KCNMA1: variants seen among roughly 807,000 people sequenced by gnomAD.
KCNMA1 encodes the protein potassium calcium-activated channel subfamily M alpha 1.
KCNMA1 carries 29 observed loss-of-function variants against 140.0 expected under a neutral mutation model. The ratio of observed to expected loss-of-function variants is 0.21; its 90% CI spans 0.15 to 0.28. KCNMA1 has a LOEUF of 0.28. KCNMA1 is among the 10% of genes least tolerant of loss of function. The pLI is 1.00. For synonymous variants in KCNMA1, 612 were observed against 611.9 expected (o/e 1.00, Z 0.00); for missense variants, 880 against 1,602.2 (o/e 0.55, Z 7.70).
At chr10:77,036,162 A>C (rs1165407938) in intron 15 of KCNMA1, among the ~76,000 whole-genome samples, 2 of 152,154 alleles carry the variant, frequency 1.3e-5, no homozygotes, top group African/African-American at 4.8e-5. Flanking sequence ...ATCACACTCC[A>C]AGTTCCTCAG....
downstream of KCNMA1, among the ~76,000 whole-genome samples, chr10:76,883,721 GTTTT>G (rs113872996): frequency 0.034 from 3,873 of 113,208 alleles, 158 homozygotes; most frequent in African/African-American, 0.12. Context: ...TTACTTCCTT[GTTTT>G]TTTTTTTTTT....
At chr10:76,960,478 G>T (rs942109263) in intron 20 of KCNMA1, among the ~76,000 whole-genome samples, 1 of 151,642 alleles carries the variant, frequency 6.6e-6, no homozygotes, top group African/African-American at 2.4e-5. Context: ...GGTTGAGGCT[G>T]CCAGTGAGCC....
At chr10:76,938,695 TC>T (rs1183573875) in intron 23 of KCNMA1, among the ~76,000 whole-genome samples, 1 of 152,108 alleles carries the variant, frequency 6.6e-6, no homozygotes, top group African/African-American at 2.4e-5. Context: ...GAAAAGAAAT[TC>T]CTCAATGCCC....
chr10:77,256,888 G>A (rs1162339628), intron 2 of KCNMA1, among the ~76,000 whole-genome samples: 1 of 152,088 alleles, frequency 6.6e-6, no homozygotes, highest in Non-Finnish European at 1.5e-5. Context: ...AAGATTGCTT[G>A]AGCTCAGGAG....
At chr10:77,274,803 G>T (rs935789543) in intron 2 of KCNMA1, among the ~76,000 whole-genome samples, 5 of 152,206 alleles carry the variant, frequency 3.3e-5, no homozygotes, top group African/African-American at 1.2e-4. Context: ...AGTAAGTTTG[G>T]TCGGTTAGCC....
At chr10:77,491,543 G>A (rs2039855270) in intron 1 of KCNMA1, among the ~76,000 whole-genome samples, 1 of 152,146 alleles carries the variant, frequency 6.6e-6, no homozygotes, top group South Asian at 2.1e-4. Flanking sequence ...GGACAACAGG[G>A]CAATGTAGGG....
chr10:77,316,574 G>A (rs1412053806), intron 2 of KCNMA1, among the ~76,000 whole-genome samples: 6 of 152,086 alleles, frequency 3.9e-5, no homozygotes, highest in Non-Finnish European at 8.8e-5. Context: ...TCCAGGTAAC[G>A]CTGCTCCTCC....
intron 14 of KCNMA1, among the ~76,000 whole-genome samples, chr10:77,050,008 A>G (rs760090087): frequency 3.3e-5 from 5 of 152,132 alleles, no homozygotes; most frequent in Non-Finnish European, 7.3e-5. Flanking sequence ...ATTGCCACCA[A>G]TCTAACTGGA....
chr10:77,086,637 G>C (rs201619635), intron 10 of KCNMA1, 44 bp from the exon 11 acceptor site: 19 of 1,425,272 alleles, frequency 1.3e-5, no homozygotes, highest in Non-Finnish European at 1.9e-5. Flanking sequence ...AATGGACTCG[G>C]GGGTTTCAGC....
chr10:77,305,975 G>A (rs1425917794), intron 2 of KCNMA1, among the ~76,000 whole-genome samples: 1 of 152,188 alleles, frequency 6.6e-6, no homozygotes, highest in Non-Finnish European at 1.5e-5. Context: ...AGTTTCTTCT[G>A]CTACGTGCCT....
intron 9 of KCNMA1, among the ~76,000 whole-genome samples, chr10:77,104,263 G>A (rs943679914): frequency 1.2e-4 from 18 of 152,208 alleles, no homozygotes; most frequent in Non-Finnish European, 4.4e-5. Flanking sequence ...TTCAGGAAGT[G>A]TGTGGCACTC....
chr10:77,360,196 G>A (rs934082640), intron 2 of KCNMA1, among the ~76,000 whole-genome samples: 1 of 152,198 alleles, frequency 6.6e-6, no homozygotes, highest in Non-Finnish European at 1.5e-5. Flanking sequence ...AATATATAAA[G>A]CAATAGGTAC....
intron 2 of KCNMA1, among the ~76,000 whole-genome samples, chr10:77,336,728 C>T (rs943122798): frequency 8.5e-5 from 13 of 152,182 alleles, no homozygotes; most frequent in African/African-American, 2.9e-4. Flanking sequence ...AGATTGAATT[C>T]GGCAGGTCCA....
chr10:77,398,861 A>G (rs1460011246), intron 2 of KCNMA1, among the ~76,000 whole-genome samples: 1 of 152,160 alleles, frequency 6.6e-6, no homozygotes, highest in Non-Finnish European at 1.5e-5. Flanking sequence ...TAAAACCTAC[A>G]CCATACGTTT....
At chr10:77,247,689 A>C (rs1002516925) in intron 3 of KCNMA1, among the ~76,000 whole-genome samples, 1 of 152,082 alleles carries the variant, frequency 6.6e-6, no homozygotes, top group African/African-American at 2.4e-5. Flanking sequence ...TCGTGTGGCT[A>C]ATTGGAGATC....
chr10:76,880,361 C>A (rs1006016926), downstream of KCNMA1, among the ~76,000 whole-genome samples: 1 of 152,070 alleles, frequency 6.6e-6, no homozygotes, highest in East Asian at 1.9e-4. Context: ...CATGCTGCCT[C>A]AACACAAGGA....
rs1211136124 is a variant in KCNMA1 at position 77,570,223 on chromosome 10, C to A, written c.378+67042G>T. On this transcript the variant is annotated intron_variant, in intron 1 of 27. Transcript: ENST00000286628. ...AACTAGAAATACCATTTGACCCAGC[C>A]ATCCCATTACTGGGTATATACCCAA... 4.0e-5 allele frequency among the ~76,000 whole-genome samples: 6 copies of A among 148,910 alleles called. No individual in the cohort carries two copies. In the East Asian group the frequency reaches 1.2e-3, roughly 29 times the overall value.
intron 5 of KCNMA1, among the ~76,000 whole-genome samples, chr10:77,127,625 A>AGAAGGCAG (rs370011727): frequency 6.8e-6 from 1 of 148,106 alleles, no homozygotes; most frequent in Non-Finnish European, 1.5e-5. Flanking sequence ...AGAGAAGGAG[A>AGAAGGCAG]GAAGGCAGGA....
At chr10:77,102,737 G>A (rs2097127499) in intron 9 of KCNMA1, among the ~76,000 whole-genome samples, 1 of 152,298 alleles carries the variant, frequency 6.6e-6, no homozygotes, top group Middle Eastern at 3.4e-3. Context: ...CTGAGGTGTC[G>A]CTTCCTTGGA....
Sources: allele counts gnomAD v4.1 joint callset (sites outside exome capture counted in the v4.1 genomes callset), GRCh38; gene constraint gnomAD v4.1.1; transcripts MANE v1.5; gene names NCBI Gene and HGNC (gene_info 2026-07-23, HGNC 2026-07-21).